The following FYB1 variants were observed in gnomAD, a reference collection of about 807,000 sequenced individuals.
FYB1 encodes FYN binding protein 1.
A neutral mutation model predicts 94.1 loss-of-function variants in FYB1; 41 were observed. The ratio of observed to expected loss-of-function variants is 0.44; its 90% CI spans 0.34 to 0.57. FYB1 has a LOEUF of 0.57. Ranked by LOEUF, FYB1 falls within the 20% of genes least tolerant of loss-of-function variation. FYB1 has a pLI of 0.02. For synonymous variants in FYB1, 367 were observed against 353.2 expected (o/e 1.04, Z -0.44); for missense variants, 1,050 against 976.8 (o/e 1.07, Z -1.00).
intron 2 of FYB1, among the ~76,000 whole-genome samples, chr5:39,187,710 G>A (rs917598628): frequency 2.0e-5 from 3 of 152,152 alleles, no homozygotes; most frequent in East Asian, 1.9e-4. Flanking sequence ...GGGCTCCATC[G>A]CCATTATGGC....
chr5:39,132,445 T>C (rs570425996), intron 9 of FYB1, among the ~76,000 whole-genome samples: 1 of 152,196 alleles, frequency 6.6e-6, no homozygotes, highest in African/African-American at 2.4e-5. Context: ...GAGGGCTAGA[T>C]GCTAGTAAAT....
intron 1 of FYB1, among the ~76,000 whole-genome samples, chr5:39,244,422 G>T (rs1264529593): frequency 1.3e-5 from 2 of 152,076 alleles, no homozygotes; most frequent in Non-Finnish European, 2.9e-5. Context: ...CTTTGGTTCT[G>T]TTTGTATGCT....
In FYB1 at chr5:39,106,675, A is replaced by G. The variant is rs2150246748; in HGVS notation, c.*768T>C. On this transcript the variant is annotated 3_prime_UTR_variant, in exon 19 of 19. Transcript: ENST00000512982. ...TTCCATTCCTCATGATTTTAGGGTT[A>G]TCCTCATTCAGATCTACTCTAGTTA... 6.6e-6 allele frequency: 1 copy of G among 152,062 alleles called. No homozygotes were observed. The highest frequency in any genetic ancestry group is 1.9e-4 in the East Asian group (1 of 5,198). 9.4% of individuals were successfully genotyped at this position (152,062 alleles called of 1,614,324 possible).
intron 1 of FYB1, among the ~76,000 whole-genome samples, chr5:39,211,935 C>T (rs561961777): frequency 2.9e-4 from 44 of 152,258 alleles, no homozygotes; most frequent in African/African-American, 1.1e-3. Flanking sequence ...TTTCTAGAGA[C>T]TTCCTTCCCA....
intron 1 of FYB1, among the ~76,000 whole-genome samples, chr5:39,228,595 T>C (rs1361886874): frequency 1.3e-5 from 2 of 152,214 alleles, no homozygotes; most frequent in Non-Finnish European, 2.9e-5. Flanking sequence ...TCCAGTTTTC[T>C]TGACTACTAT....
intron 1 of FYB1, among the ~76,000 whole-genome samples, chr5:39,236,676 T>C (rs1190564290): frequency 6.6e-6 from 1 of 152,132 alleles, no homozygotes; most frequent in Non-Finnish European, 1.5e-5. Flanking sequence ...CAAAGGTTTA[T>C]CACAAGATAG....
intron 1 of FYB1, among the ~76,000 whole-genome samples, chr5:39,231,181 C>T (rs28486009): frequency 3.9e-5 from 4 of 101,826 alleles, no homozygotes; most frequent in African/African-American, 3.2e-4. Context: ...ACAAAAAAAA[C>T]AAAACAGCTG....
At position 39,147,061 on chromosome 5, in the gene FYB1, A is replaced by C. The variant is rs77038221; in HGVS notation, c.1293-5920T>G. On this transcript the variant is annotated intron_variant, in intron 3 of 18. Transcript: ENST00000512982. ...CCCAAGTCATAAGAAACTGAGCAGA[A>C]GGAGGGGGTGAATGAGAAGAAAAAG... 0.011 allele frequency among the ~76,000 whole-genome samples: 1,636 copies of C among 152,300 alleles called. 70 individuals carry two copies. In the East Asian group the frequency reaches 0.14, roughly 13 times the overall value.
At chr5:39,186,284 C>T (rs1001007944) in intron 2 of FYB1, among the ~76,000 whole-genome samples, 4 of 152,042 alleles carry the variant, frequency 2.6e-5, no homozygotes, top group Non-Finnish European at 4.4e-5. Context: ...ATTAGCTGGG[C>T]GTGGTGGCAC....
At chr5:39,127,438 G>A (rs1429677534) in intron 11 of FYB1, among the ~76,000 whole-genome samples, 1 of 130,792 alleles carries the variant, frequency 7.6e-6, no homozygotes, top group South Asian at 2.4e-4. Flanking sequence ...GCGACAGAGT[G>A]AGACTCTGTC....
chr5:39,189,428 C>T (rs546597933), intron 2 of FYB1, among the ~76,000 whole-genome samples: 41 of 152,288 alleles, frequency 2.7e-4, no homozygotes, highest in African/African-American at 9.4e-4. Flanking sequence ...TCAATAGCAA[C>T]AGAAAATAAA....
In FYB1 at chr5:39,180,518, C is replaced by T. The variant is rs192211462; in HGVS notation, c.1135+21308G>A. Among the ~76,000 whole-genome samples the T allele has an allele frequency of 1.5e-3, 234 of 152,308 alleles. 1 individual carries two copies. The highest frequency in any genetic ancestry group is 2.9e-3 in the Non-Finnish European group (194 of 68,030). On this transcript the variant is annotated intron_variant, in intron 2 of 18. Transcript: ENST00000512982. ...GAAAAGTCCCTATTGAAAGGCTGAC[C>T]AGACCAACCCAGGAAGACTATGTGG...
chr5:39,170,188 C>T, intron 2 of FYB1: 1 of 801,506 alleles, frequency 1.2e-6, no homozygotes, highest in Non-Finnish European at 2.2e-6. Context: ...ATTTGAACTT[C>T]TGTGAAGTTC....
At chr5:39,194,092 A>G (rs1486752642) in intron 2 of FYB1, among the ~76,000 whole-genome samples, 1 of 152,250 alleles carries the variant, frequency 6.6e-6, no homozygotes, top group Non-Finnish European at 1.5e-5. Context: ...GACCTTAAGG[A>G]CAAAGATTTC....
intron 2 of FYB1, among the ~76,000 whole-genome samples, chr5:39,188,306 C>T (rs889895459): frequency 6.6e-6 from 1 of 152,186 alleles, no homozygotes; most frequent in African/African-American, 2.4e-5. Flanking sequence ...TCAAGAACAA[C>T]CACAGACCTA....
intron 3 of FYB1, among the ~76,000 whole-genome samples, chr5:39,146,376 T>C (rs67397404): frequency 0.26 from 39,636 of 152,046 alleles, 5,542 homozygotes; most frequent in African/African-American, 0.37. Flanking sequence ...TGCTTCAGGT[T>C]TCTCTTTTCA....
At chr5:39,236,847 T>C (rs1750986758) in intron 1 of FYB1, among the ~76,000 whole-genome samples, 1 of 152,040 alleles carries the variant, frequency 6.6e-6, no homozygotes, top group African/African-American at 2.4e-5. Flanking sequence ...TTGTCATCTA[T>C]CAAACAGAGA....
intron 1 of FYB1, among the ~76,000 whole-genome samples, chr5:39,230,389 C>T (rs142623101): frequency 4.6e-5 from 7 of 152,226 alleles, no homozygotes; most frequent in Middle Eastern, 3.4e-3. Context: ...GAAATGGAGC[C>T]TCCGCCAGAA....
intron 1 of FYB1, among the ~76,000 whole-genome samples, chr5:39,204,292 T>G (rs975137869): frequency 1.3e-5 from 2 of 152,194 alleles, no homozygotes; most frequent in Non-Finnish European, 1.5e-5. Flanking sequence ...CCCGTCTCAT[T>G]CTTACAGTAG....
Sources: gnomAD v4.1 joint callset for allele counts (sites outside exome capture counted in the v4.1 genomes callset) on GRCh38, gnomAD v4.1.1 for gene constraint, MANE v1.5 for transcripts, NCBI Gene and HGNC (gene_info 2026-07-23, HGNC 2026-07-21) for gene names.